Variants in UNC45B observed in about 807,000 individuals in gnomAD.
UNC45B encodes the protein unc-45 myosin chaperone B, also known as protein unc-45 homolog B.
A neutral mutation model predicts 98.7 loss-of-function variants in UNC45B; 78 were observed. The ratio of observed to expected loss-of-function variants is 0.79; its 90% CI spans 0.66 to 0.95. The LOEUF (loss-of-function observed/expected upper bound fraction) is 0.95, where lower values mean the gene tolerates loss of function less well. Among genes scored for constraint, UNC45B ranks in the 40% least tolerant of loss-of-function variants. UNC45B has a pLI of 0.00. For missense variants in UNC45B, 1,225 were observed against 1,184.9 expected, an observed-to-expected ratio of 1.03 and a Z score of -0.50; for synonymous variants, 462 against 480.4, an observed-to-expected ratio of 0.96 and a Z score of 0.50.
intron 8 of UNC45B, among the ~76,000 whole-genome samples, chr17:35,160,433 T>G (rs2092094828): frequency 6.6e-6 from 1 of 152,198 alleles, no homozygotes; most frequent in Non-Finnish European, 1.5e-5. Context: ...CATTTTTGTG[T>G]ATCTATCTAT....
At position 35,174,257 on chromosome 17, in the gene UNC45B, A is replaced by G; in HGVS notation, c.1846A>G (p.Ile616Val). 6.2e-7 allele frequency: 1 copy of G among 1,614,164 alleles called. No homozygotes were observed. Among genetic ancestry groups the G allele is most frequent in the Non-Finnish European group, 8.5e-7 (1 of 1,180,016 alleles). ...ATCTCCTCAGGACAAGAAGGACTTTATAGACATGCGGGTGAAGCGGCTTCT... is the reference window on the plus strand; with the variant it reads ...ATCTCCTCAGGACAAGAAGGACTTTGTAGACATGCGGGTGAAGCGGCTTCT... ...EEHPKDKKDFIDMRVKRLLKA... is the reference protein window; with the variant it reads ...EEHPKDKKDFVDMRVKRLLKA... The change falls in exon 14 of 20, where the codon ATA (isoleucine) becomes GTA (valine). Residue 616 changes from isoleucine to valine, a missense_variant. Coordinates refer to ENST00000394570, the MANE Select transcript of UNC45B (RefSeq NM_001267052.2).
intron 4 of UNC45B, among the ~76,000 whole-genome samples, 159 bp from the exon 5 acceptor site, chr17:35,152,734 C>T (rs942722360): frequency 1.3e-5 from 2 of 152,158 alleles, no homozygotes; most frequent in Non-Finnish European, 2.9e-5. Context: ...ATTAATTCAT[C>T]GTACTTATCC....
chr17:35,170,288 C>A (rs1242340311), intron 12 of UNC45B, 33 bp downstream of exon 12: 3 of 1,572,794 alleles, frequency 1.9e-6, no homozygotes, highest in African/African-American at 1.3e-5. Context: ...CGACCACAAA[C>A]CTCAGGAAAG....
rs1436827423 is a variant in UNC45B, at chr17:35,150,228, G to A, written c.381+5G>A. ...AACACCAGCATTCAGGAGAAGGTGAGCTGGGCCTCTTCCCACAACCCTTGG... is the reference window on the plus strand; with the variant it reads ...AACACCAGCATTCAGGAGAAGGTGAACTGGGCCTCTTCCCACAACCCTTGG... On this transcript the variant is annotated splice_donor_5th_base_variant and intron_variant, in intron 4 of 19. Coordinates refer to ENST00000394570, the MANE Select transcript of UNC45B (RefSeq NM_001267052.2). 6.2e-7 allele frequency: 1 copy of A among 1,604,566 alleles called. No individual in the cohort carries two copies.
rs553976077 is a variant in UNC45B at position 35,164,014 on chromosome 17, G to A, written c.999G>A (p.Lys333=). The A allele has an allele frequency of 3.7e-6, 6 of 1,613,602 alleles. No individual in the cohort carries two copies. In the South Asian group the frequency reaches 5.5e-5, roughly 15 times the overall value. Residue 333 remains lysine, a synonymous_variant, in exon 9 of 20, where the codon AAG becomes AAA. Coordinates refer to ENST00000394570, the MANE Select transcript of UNC45B (RefSeq NM_001267052.2). The part of the protein sequence containing the change: ...VVDNGLRKIL[K]VVGQVPDLPS... ...CTGCAGGTCTGAGGAAGATCCTGAAGGTTGTGGGGCAGGTTCCAGATCTGC... is the reference window on the plus strand; with the variant it reads ...CTGCAGGTCTGAGGAAGATCCTGAAAGTTGTGGGGCAGGTTCCAGATCTGC...
intron 17 of UNC45B, among the ~76,000 whole-genome samples, chr17:35,178,610 G>A (rs1230527858): frequency 6.6e-6 from 1 of 152,100 alleles, no homozygotes; most frequent in Non-Finnish European, 1.5e-5. Context: ...TGAAGTCTTT[G>A]CCCATGCCTA....
chr17:35,169,150 C>T (rs2092164148), intron 10 of UNC45B, among the ~76,000 whole-genome samples: 1 of 152,070 alleles, frequency 6.6e-6, no homozygotes, highest in Non-Finnish European at 1.5e-5. Flanking sequence ...AACGATTCTC[C>T]TGCCTCAGCC....
intron 19 of UNC45B, 95 bp downstream of exon 19, chr17:35,183,677 T>G (rs2092287549): frequency 1.5e-6 from 2 of 1,303,992 alleles, no homozygotes; most frequent in Non-Finnish European, 2.0e-6. Context: ...GGAGGCCAAC[T>G]CCTAAAGAAA....
intron 12 of UNC45B, 152 bp from the exon 13 acceptor site, chr17:35,171,170 C>G: frequency 1.1e-6 from 1 of 927,324 alleles, no homozygotes. Flanking sequence ...AACCGTTCCT[C>G]TCCTGCGCTG....
chr17:35,174,445 G>A, intron 14 of UNC45B, 76 bp downstream of exon 14: 2 of 1,586,454 alleles, frequency 1.3e-6, no homozygotes, highest in East Asian at 2.3e-5. Flanking sequence ...ACTGGGCAGG[G>A]AGATAGAAAT....
intron 7 of UNC45B, among the ~76,000 whole-genome samples, chr17:35,157,429 T>G (rs1597910267): frequency 6.6e-6 from 1 of 152,088 alleles, no homozygotes; most frequent in South Asian, 2.1e-4. Flanking sequence ...GTCAAACTCC[T>G]GAGCTCAGGT....
At chr17:35,149,173 A>G (rs545410645) in intron 3 of UNC45B, among the ~76,000 whole-genome samples, 164 bp downstream of exon 3, 11 of 152,288 alleles carry the variant, frequency 7.2e-5, no homozygotes, top group Admixed American at 4.6e-4. Context: ...TGTGAAGAGC[A>G]GTTGAGGGAA....
At chr17:35,185,508 A>T (rs1191773823) in intron 19 of UNC45B, among the ~76,000 whole-genome samples, 1 of 151,794 alleles carries the variant, frequency 6.6e-6, no homozygotes, top group Admixed American at 6.6e-5. Context: ...GGGTTTCCCC[A>T]TGTTGGCCAG....
Position 35,174,289 on chromosome 17 carries a change from G to T in UNC45B, c.1878G>T (p.Ala626=). The change falls in exon 14 of 20, where the codon GCG becomes GCT. Residue 626 remains alanine (A), a synonymous_variant. Coordinates refer to ENST00000394570, the MANE Select transcript of UNC45B (RefSeq NM_001267052.2). ...IDMRVKRLLK[A]GVISALACMV... is the part of the protein sequence containing the mutation. ...TGCGGGTGAAGCGGCTTCTGAAGGC[G>T]GGTGTCATCTCTGCCCTGGCTTGCA... is the stretch of plus-strand genomic sequence containing the variant. 1 of 1,614,202 alleles carries T rather than the reference G, an allele frequency of 6.2e-7. No individual in the cohort carries two copies. The highest frequency in any genetic ancestry group is 2.2e-5 in the East Asian group (1 of 44,878).
At chr17:35,162,932 C>T (rs1250334148) in intron 8 of UNC45B, among the ~76,000 whole-genome samples, 4 of 152,120 alleles carry the variant, frequency 2.6e-5, no homozygotes. Context: ...AAACCTGGCT[C>T]CGAAATCCAT....
intron 9 of UNC45B, among the ~76,000 whole-genome samples, chr17:35,166,570 G>C (rs2092142854): frequency 6.6e-6 from 1 of 152,168 alleles, no homozygotes; most frequent in Admixed American, 6.5e-5. Context: ...TGGTGCCCCA[G>C]CCTGCCCCTA....
chr17:35,148,847 C>A, intron 2 of UNC45B, 126 bp from the exon 3 acceptor site: 1 of 1,145,970 alleles, frequency 8.7e-7, no homozygotes, highest in Admixed American at 2.0e-5. Flanking sequence ...GAGGAGCATG[C>A]CCTGGGCCTC....
Position 35,168,374 on chromosome 17 carries a change from G to A in UNC45B, c.1452+13G>A, listed in dbSNP as rs368949669. On this transcript the variant is annotated intron_variant, in intron 10 of 19. Transcript: ENST00000394570. Reference sequence around the variant, plus strand: ...CCGCACACTGGTGGTGAGTGGGCTCGGTACCACCCTCCTACTCAGTACAAG... The same window carrying A: ...CCGCACACTGGTGGTGAGTGGGCTCAGTACCACCCTCCTACTCAGTACAAG... 2.2e-4 allele frequency: 291 copies of A among 1,332,282 alleles called. 1 individual carries two copies. Among genetic ancestry groups the A allele is most frequent in the Middle Eastern group, 1.4e-3 (7 of 5,012 alleles). The allele number at this position is 1,332,282 out of a possible 1,614,324, so 82.5% of individuals were successfully genotyped here. A position where few individuals can be genotyped will look rare whatever the true frequency, so the allele number is the denominator to read the frequency against.
chr17:35,150,878 C>G (rs1162966196), intron 4 of UNC45B, among the ~76,000 whole-genome samples: 1 of 151,370 alleles, frequency 6.6e-6, no homozygotes, highest in Non-Finnish European at 1.5e-5. Flanking sequence ...TTGAAGACAT[C>G]GATGAGGGAT....
Sources: allele counts gnomAD v4.1 joint callset (sites outside exome capture counted in the v4.1 genomes callset), GRCh38; gene constraint gnomAD v4.1.1; transcripts MANE v1.5; gene names NCBI Gene and HGNC (gene_info 2026-07-23, HGNC 2026-07-21).